The following ANKS1B variants were observed in gnomAD, a reference collection of about 807,000 sequenced individuals.
The protein encoded by ANKS1B is ankyrin repeat and sterile alpha motif domain containing 1B.
Under a neutral mutation model 148.3 loss-of-function variants are expected in ANKS1B, and 36 were observed. That is an observed-to-expected ratio of 0.24 (90% CI 0.19 to 0.32). The LOEUF (loss-of-function observed/expected upper bound fraction) is 0.32, where lower values mean the gene tolerates loss of function less well. Among genes scored for constraint, ANKS1B ranks in the 10% least tolerant of loss-of-function variants. The pLI is 1.00. For synonymous variants in ANKS1B, 542 were observed against 560.8 expected (o/e 0.97, Z 0.47); for missense variants, 1,157 against 1,542.6 (o/e 0.75, Z 4.19).
chr12:99,128,189 G>A (rs1428101323), intron 15 of ANKS1B, among the ~76,000 whole-genome samples: 1 of 152,082 alleles, frequency 6.6e-6, no homozygotes, highest in Non-Finnish European at 1.5e-5. Flanking sequence ...TCAATTCTAA[G>A]TGCGGCACAT....
intron 12 of ANKS1B, among the ~76,000 whole-genome samples, chr12:99,292,299 T>A (rs1220190589): frequency 2.6e-5 from 4 of 150,968 alleles, no homozygotes; most frequent in Non-Finnish European, 5.9e-5. Context: ...GAGACTATTC[T>A]GGCTAACACA....
Position 99,110,427 on chromosome 12 carries a change from G to A in ANKS1B, c.2527-25404C>T, listed in dbSNP as rs535699863. On this transcript the variant is annotated intron_variant, in intron 15 of 26. Transcript: ENST00000683438. Reference sequence around the variant, plus strand: ...AAAGGAAGCCAAGAAACCATGCCAAGAGTTGGATGAAAACTGACATTTTCT... The same window carrying A: ...AAAGGAAGCCAAGAAACCATGCCAAAAGTTGGATGAAAACTGACATTTTCT... Among the ~76,000 whole-genome samples, 7 of 152,220 alleles carry A rather than the reference G, an allele frequency of 4.6e-5. No homozygotes were observed. The South Asian group carries it at 1.2e-3, about 27-fold the overall frequency.
At chr12:98,865,968 C>G (rs1476008055) in intron 17 of ANKS1B, among the ~76,000 whole-genome samples, 1 of 152,152 alleles carries the variant, frequency 6.6e-6, no homozygotes, top group Non-Finnish European at 1.5e-5. Flanking sequence ...AGATGGCCGT[C>G]TTCTCACTGT....
chr12:99,076,207 AG>A (rs1470452116), intron 16 of ANKS1B, among the ~76,000 whole-genome samples: 7 of 152,158 alleles, frequency 4.6e-5, no homozygotes, highest in South Asian at 2.1e-4. Context: ...GGCGTTCTGA[AG>A]GCAGAAAGAG....
chr12:99,463,943 C>T (rs1456837914), intron 10 of ANKS1B, among the ~76,000 whole-genome samples: 3 of 152,172 alleles, frequency 2.0e-5, no homozygotes, highest in African/African-American at 7.2e-5. Context: ...AGCAGTGGTT[C>T]TCCCAGCACG....
intron 19 of ANKS1B, among the ~76,000 whole-genome samples, chr12:98,820,298 G>T (rs2099174433): frequency 6.6e-6 from 1 of 152,192 alleles, no homozygotes. Flanking sequence ...CCACATAAAT[G>T]CTCCATGCCT....
At chr12:98,736,676 G>A (rs1241316309) in intron 9 of ANKS1B, among the ~76,000 whole-genome samples, 1 of 151,726 alleles carries the variant, frequency 6.6e-6, no homozygotes, top group East Asian at 1.9e-4. Context: ...GGGGCCCCAA[G>A]ACTGAGTCCA....
At chr12:99,113,418 AT>A (rs1393970292) in intron 15 of ANKS1B, among the ~76,000 whole-genome samples, 1 of 152,220 alleles carries the variant, frequency 6.6e-6, no homozygotes, top group Non-Finnish European at 1.5e-5. Flanking sequence ...TCTTAAATGT[AT>A]TAATTAATGA....
chr12:99,880,295 A>G (rs2092397671), intron 1 of ANKS1B, among the ~76,000 whole-genome samples: 1 of 152,234 alleles, frequency 6.6e-6, no homozygotes, highest in African/African-American at 2.4e-5. Flanking sequence ...TTTATAAAAG[A>G]TAAAACTGAT....
At chr12:99,767,451 C>T (rs889463609) in intron 8 of ANKS1B, among the ~76,000 whole-genome samples, 1 of 151,590 alleles carries the variant, frequency 6.6e-6, no homozygotes, top group Non-Finnish European at 1.5e-5. Flanking sequence ...ATTCTGAAAT[C>T]TGCTCTAATG....
chr12:99,765,043 G>A (rs572752916), intron 8 of ANKS1B, among the ~76,000 whole-genome samples: 3 of 152,144 alleles, frequency 2.0e-5, no homozygotes, highest in South Asian at 4.1e-4. Context: ...CCCACAAACT[G>A]GCAGGAATGA....
chr12:99,741,603 G>C lies in ANKS1B; in HGVS notation c.1128+31319C>G, dbSNP rs141834825. 2.4e-3 allele frequency among the ~76,000 whole-genome samples: 359 copies of C among 152,250 alleles called. 1 individual carries two copies. Among genetic ancestry groups the C allele is most frequent in the Non-Finnish European group, 3.3e-3 (222 of 68,028 alleles). Reference sequence around the variant, plus strand: ...AGTTCATGTCCTTTGCAGCGACATGGATGAAGCTGGAAACCATCATTCTCA... The same window carrying C: ...AGTTCATGTCCTTTGCAGCGACATGCATGAAGCTGGAAACCATCATTCTCA... On this transcript the variant is annotated intron_variant, in intron 8 of 26. Transcript: ENST00000683438.
At chr12:99,957,261 C>T (rs2095338592) in intron 1 of ANKS1B, among the ~76,000 whole-genome samples, 1 of 152,148 alleles carries the variant, frequency 6.6e-6, no homozygotes, top group East Asian at 1.9e-4. Flanking sequence ...CCCTTCCTTC[C>T]TTTCACCATG....
At chr12:98,862,435 T>C (rs1453674371) in intron 17 of ANKS1B, among the ~76,000 whole-genome samples, 1 of 152,170 alleles carries the variant, frequency 6.6e-6, no homozygotes, top group Non-Finnish European at 1.5e-5. Flanking sequence ...GACTGGAACA[T>C]AGTGAACACT....
intron 15 of ANKS1B, among the ~76,000 whole-genome samples, chr12:99,102,120 T>C (rs2058084371): frequency 1.3e-5 from 2 of 152,196 alleles, no homozygotes; most frequent in East Asian, 1.9e-4. Flanking sequence ...TCGTGTCAGA[T>C]GCCAAGAGGG....
intron 1 of ANKS1B, among the ~76,000 whole-genome samples, chr12:99,890,185 G>A (rs61318345): frequency 6.6e-6 from 1 of 152,158 alleles, no homozygotes. Context: ...ACTAGGCTAT[G>A]GTGCCCAGTT....
intron 17 of ANKS1B, chr12:98,976,287 C>T (rs1239677702): frequency 2.6e-5 from 4 of 152,086 alleles, no homozygotes; most frequent in African/African-American, 9.7e-5. Flanking sequence ...GGTATTTACC[C>T]CAGAAATATT....
intron 10 of ANKS1B, among the ~76,000 whole-genome samples, chr12:99,464,835 C>G (rs1246482015): frequency 2.6e-4 from 39 of 152,060 alleles, no homozygotes; most frequent in Admixed American, 3.3e-4. Flanking sequence ...CTGAAAGTGA[C>G]GGGGAGAATG....
rs779378930 is a variant in ANKS1B at position 99,246,729 on chromosome 12, T to G, written c.1892A>C (p.Gln631Pro). The change falls in exon 13 of 27, where the codon CAA (glutamine) becomes CCA (proline). Residue 631 changes from glutamine to proline, a missense_variant. This residue lies in a region of ANKS1B where 661 missense variants were observed against 642.1 expected (regional missense o/e 1.03). Transcript: ENST00000683438. ...NPFHLYGKRE[Q>P]CEKGQDEVSL... The stretch of plus-strand genomic sequence containing the variant: ...GACTTCATCTTGTCCTTTTTCACAT[T>G]GTTCTCTTTTCCCATAGAGATGAAA... 1 of 1,613,960 alleles carries G rather than the reference T, an allele frequency of 6.2e-7. No homozygotes were observed. Among genetic ancestry groups the G allele is most frequent in the East Asian group, 2.2e-5 (1 of 44,874 alleles).
Sources: allele counts gnomAD v4.1 joint callset (sites outside exome capture counted in the v4.1 genomes callset), GRCh38; gene constraint gnomAD v4.1.1; regional missense constraint gnomAD v4.1.1; transcripts MANE v1.5; gene names NCBI Gene and HGNC (gene_info 2026-07-23, HGNC 2026-07-21).